The following DNAH11 variants were observed in gnomAD, a reference collection of about 807,000 sequenced individuals.
DNAH11 encodes the protein dynein axonemal heavy chain 11.
DNAH11 carries 442 observed loss-of-function variants against 526.0 expected under a neutral mutation model. The ratio of observed to expected loss-of-function variants is 0.84; its 90% CI spans 0.78 to 0.91. The LOEUF (loss-of-function observed/expected upper bound fraction) is 0.91. Among genes scored for constraint, DNAH11 ranks in the 40% least tolerant of loss-of-function variants. The pLI is 0.00. For missense variants in DNAH11, 6,989 were observed against 5,448.7 expected (o/e 1.28, Z -8.90); for synonymous variants, 2,461 against 1,935.9 (o/e 1.27, Z -7.12).
In DNAH11 at chr7:21,875,986, C is replaced by G. The variant is rs565185382; in HGVS notation, c.12195+2485C>G. 1.1e-3 allele frequency among the ~76,000 whole-genome samples: 163 copies of G among 150,910 alleles called. 1 individual carries two copies. Among genetic ancestry groups the G allele is most frequent in the Middle Eastern group, 0.01 (3 of 294 alleles). ...GCAAGCTCCGCCTCCCAGGTTCACG[C>G]CATTCTCCTGCCTCAGCCTCCCGAG... On this transcript the variant is annotated intron_variant, in intron 74 of 81. Coordinates refer to ENST00000409508, the MANE Select transcript of DNAH11 (RefSeq NM_001277115.2).
At position 21,637,494 on chromosome 7, in the gene DNAH11, G is replaced by A. The variant is rs939203766; in HGVS notation, c.4726-117G>A. ...GATGTGGTGTCAGACATTCTTAGAA[G>A]TATCTTTGACCTTGCCTCTTCATTC... On this transcript the variant is annotated intron_variant, in intron 26 of 81. Transcript: ENST00000409508. 6 of 720,970 alleles carry A rather than the reference G, an allele frequency of 8.3e-6. No homozygotes were observed. In the African/African-American group the frequency reaches 8.9e-5, roughly 11 times the overall value. 44.7% of individuals were successfully genotyped at this position (720,970 alleles called of 1,614,324 possible).
At chr7:21,636,709 A>G (rs1345253656) in intron 26 of DNAH11, among the ~76,000 whole-genome samples, 1 of 152,196 alleles carries the variant, frequency 6.6e-6, no homozygotes, top group African/African-American at 2.4e-5. Context: ...ACTGCACTCC[A>G]GCCTGGGTGA....
At chr7:21,545,985 TAGC>T (rs1782791144) in intron 2 of DNAH11, among the ~76,000 whole-genome samples, 1 of 152,186 alleles carries the variant, frequency 6.6e-6, no homozygotes, top group Admixed American at 6.5e-5. Context: ...GGGAGCCAAG[TAGC>T]AGCAGTTGTT....
At position 21,812,392 on chromosome 7, in the gene DNAH11, C is replaced by T. The variant is rs541993701; in HGVS notation, c.10333-4075C>T. ...AATGGGATTAAGAAAATGAACTGTC[C>T]GCCGGGTGTGGTGGCTCACGTCTCC... On this transcript the variant is annotated intron_variant, in intron 63 of 81. Coordinates refer to ENST00000409508, the MANE Select transcript of DNAH11 (RefSeq NM_001277115.2). Among the ~76,000 whole-genome samples, 10 of 152,074 alleles carry T rather than the reference C, an allele frequency of 6.6e-5. No homozygotes were observed. In the South Asian group the frequency reaches 1.5e-3, roughly 22 times the overall value.
intron 76 of DNAH11, among the ~76,000 whole-genome samples, chr7:21,889,457 G>C (rs1243882016): frequency 6.6e-6 from 1 of 152,186 alleles, no homozygotes. Flanking sequence ...TTTATCATTT[G>C]CAAGTACCAC....
chr7:21,647,875 A>C (rs1187112091), intron 28 of DNAH11, among the ~76,000 whole-genome samples: 1 of 152,222 alleles, frequency 6.6e-6, no homozygotes, highest in Non-Finnish European at 1.5e-5. Context: ...AGATTTCATC[A>C]CCACCAGACT....
At chr7:21,804,082 T>TTTTTG (rs10549465) in intron 62 of DNAH11, among the ~76,000 whole-genome samples, 7,805 of 147,516 alleles carry the variant, frequency 0.053, 368 homozygotes, top group African/African-American at 0.12. Flanking sequence ...GTAGTAGTTT[T>TTTTTG]TTTTGTTTTG....
intron 62 of DNAH11, among the ~76,000 whole-genome samples, chr7:21,804,377 G>A (rs1454179905): frequency 6.6e-6 from 1 of 152,118 alleles, no homozygotes; most frequent in African/African-American, 2.4e-5. Context: ...CCAAAGTGCT[G>A]GGATTACAGG....
intron 49 of DNAH11, 90 bp downstream of exon 49, chr7:21,742,256 A>T: frequency 7.1e-7 from 1 of 1,398,656 alleles, no homozygotes; most frequent in Non-Finnish European, 9.7e-7. Context: ...CTATAGAGAA[A>T]CACCTGAGGC....
intron 44 of DNAH11, 33 bp downstream of exon 44, chr7:21,720,889 C>A (rs1483433359): frequency 6.2e-7 from 1 of 1,603,102 alleles, no homozygotes; most frequent in African/African-American, 1.3e-5. Flanking sequence ...GGACCAGTTT[C>A]CAGTTTTGTG....
intron 56 of DNAH11, among the ~76,000 whole-genome samples, chr7:21,777,024 G>C (rs1294638063): frequency 6.6e-6 from 1 of 151,868 alleles, no homozygotes; most frequent in Non-Finnish European, 1.5e-5. Flanking sequence ...TCAAGACACA[G>C]AAAACTTCCA....
chr7:21,810,999 C>T (rs1789491052), intron 63 of DNAH11, among the ~76,000 whole-genome samples: 10 of 152,192 alleles, frequency 6.6e-5, no homozygotes, highest in Admixed American at 5.9e-4. Context: ...TATAGCAGCA[C>T]TATTCACATT....
chr7:21,814,359 T>A (rs960832952), intron 63 of DNAH11, among the ~76,000 whole-genome samples: 4 of 151,446 alleles, frequency 2.6e-5, no homozygotes, highest in South Asian at 2.1e-4. Flanking sequence ...ATTTTTTTTT[T>A]ATTTTTTTAT....
At position 21,899,362 on chromosome 7, in the gene DNAH11, G is replaced by T; in HGVS notation, c.13076G>T (p.Arg4359Leu). The change falls in exon 80 of 82, where the codon CGA (arginine) becomes CTA (leucine). Residue 4359 changes from arginine to leucine, a missense_variant. Physicochemically the swap from Arg to Leu is moderately radical, Grantham distance 102. Transcript: ENST00000409508. Reference sequence around the variant, plus strand: ...TTCAATGACCTCCTCCTGCGATGCCGAGAACTCGATACTTGGACACAAGAC... The same window carrying T: ...TTCAATGACCTCCTCCTGCGATGCCTAGAACTCGATACTTGGACACAAGAC... ...QWFNDLLLRC[R>L]ELDTWTQDLT... 1 of 1,613,946 alleles carries T rather than the reference G, an allele frequency of 6.2e-7. No homozygotes were observed. The highest frequency in any genetic ancestry group is 8.5e-7 in the Non-Finnish European group (1 of 1,179,874).
chr7:21,832,243 C>A lies in DNAH11; in HGVS notation c.10692-10301C>A, dbSNP rs1455495909. Among the ~76,000 whole-genome samples, 3 of 152,058 alleles carry A rather than the reference C, an allele frequency of 2.0e-5. 1 individual carries two copies. Among genetic ancestry groups the A allele is most frequent in the Admixed American group, 1.3e-4 (2 of 15,258 alleles). On this transcript the variant is annotated intron_variant, in intron 65 of 81. Coordinates refer to ENST00000409508, the MANE Select transcript of DNAH11 (RefSeq NM_001277115.2). ...ATTATGATGCTAGCTGGTTGTTTTG[C>A]CTGTTAGTTGATGCAGTTTCTTCAT... is the stretch of plus-strand genomic sequence containing the variant.
chr7:21,673,145 T>C (rs1378667112), intron 30 of DNAH11, among the ~76,000 whole-genome samples: 2 of 152,192 alleles, frequency 1.3e-5, no homozygotes, highest in East Asian at 3.8e-4. Flanking sequence ...TACTGAGTTA[T>C]CTCTCTCTAC....
At chr7:21,845,301 G>T (rs142380409) in intron 66 of DNAH11, among the ~76,000 whole-genome samples, 2 of 152,044 alleles carry the variant, frequency 1.3e-5, no homozygotes, top group African/African-American at 2.4e-5. Flanking sequence ...CTGACAGTTC[G>T]TGAAGATTTA....
chr7:21,601,317 A>G, intron 17 of DNAH11, 79 bp from the exon 18 acceptor site: 1 of 1,467,886 alleles, frequency 6.8e-7, no homozygotes. Context: ...TGAAAATAAG[A>G]TTCAATCAGA....
intron 58 of DNAH11, among the ~76,000 whole-genome samples, chr7:21,785,481 T>C (rs1242471454): frequency 1.3e-5 from 2 of 152,200 alleles, no homozygotes; most frequent in Non-Finnish European, 2.9e-5. Context: ...ATTAAGTGAA[T>C]AAAGCAGATT....
Sources: gnomAD v4.1 joint callset for allele counts (sites outside exome capture counted in the v4.1 genomes callset) on GRCh38, gnomAD v4.1.1 for gene constraint, MANE v1.5 for transcripts, NCBI Gene and HGNC (gene_info 2026-07-23, HGNC 2026-07-21) for gene names.